The following UBE2K variants were observed in gnomAD, a reference collection of about 807,000 sequenced individuals.
UBE2K encodes ubiquitin-conjugating enzyme E2 K.
UBE2K carries 6 observed loss-of-function variants against 30.0 expected under a neutral mutation model. The observed-to-expected ratio is 0.20, with a 90% confidence interval of 0.11 to 0.39. The LOEUF (loss-of-function observed/expected upper bound fraction) is 0.39, where lower values mean the gene tolerates loss of function less well. Among genes scored for constraint, UBE2K ranks in the 10% least tolerant of loss-of-function variants. The probability of loss-of-function intolerance (pLI) is 1.00; values close to 1 mark genes in which losing one functional copy is unlikely to be tolerated. For missense variants in UBE2K, 61 were observed against 241.6 expected, an observed-to-expected ratio of 0.25 and a Z score of 4.96; for synonymous variants, 86 against 83.7, an observed-to-expected ratio of 1.03 and a Z score of -0.15.
At chr4:39,737,207 G>T (rs553950486) in intron 1 of UBE2K, among the ~76,000 whole-genome samples, 1 of 152,072 alleles carries the variant, frequency 6.6e-6, no homozygotes, top group South Asian at 2.1e-4. Flanking sequence ...TCATAGTGGT[G>T]TTATTTCGTT....
intron 4 of UBE2K, among the ~76,000 whole-genome samples, chr4:39,774,156 A>T (rs1346207235): frequency 2.0e-5 from 3 of 149,092 alleles, no homozygotes; most frequent in Non-Finnish European, 3.0e-5. Context: ...AACAAAAAAA[A>T]TGCTGGGTGT....
At chr4:39,759,840 A>G (rs1251191106) in intron 4 of UBE2K, among the ~76,000 whole-genome samples, 1 of 152,152 alleles carries the variant, frequency 6.6e-6, no homozygotes, top group African/African-American at 2.4e-5. Flanking sequence ...TAACTACTAC[A>G]TGCCTGTAAA....
intron 1 of UBE2K, among the ~76,000 whole-genome samples, chr4:39,715,682 GTTTAAT>G (rs1425930421): frequency 1.3e-5 from 2 of 152,022 alleles, no homozygotes; most frequent in East Asian, 3.8e-4. Context: ...TCTTACAGAA[GTTTAAT>G]TTTAAGGTAT....
intron 1 of UBE2K, among the ~76,000 whole-genome samples, chr4:39,712,165 C>T (rs1457986373): frequency 6.8e-6 from 1 of 147,674 alleles, no homozygotes; most frequent in Non-Finnish European, 1.5e-5. Flanking sequence ...CACTCTGTTG[C>T]CCAGGCTGGA....
intron 3 of UBE2K, among the ~76,000 whole-genome samples, chr4:39,748,296 ATAGCT>A (rs1308957959): frequency 6.6e-6 from 1 of 152,128 alleles, no homozygotes; most frequent in Non-Finnish European, 1.5e-5. Context: ...ATGCACAGTC[ATAGCT>A]TAGTGCAGCC....
intron 1 of UBE2K, among the ~76,000 whole-genome samples, chr4:39,736,258 C>G (rs1406936133): frequency 1.3e-5 from 2 of 152,022 alleles, no homozygotes; most frequent in African/African-American, 4.8e-5. Flanking sequence ...GTCAGGAGTT[C>G]GAGACAAGCC....
intron 5 of UBE2K, 109 bp from the exon 6 acceptor site, chr4:39,777,573 A>G: frequency 6.6e-6 from 7 of 1,064,004 alleles, no homozygotes; most frequent in African/African-American, 1.7e-5. Flanking sequence ...CACATTTTAA[A>G]TGTAGATTTG....
At chr4:39,770,864 C>T in intron 4 of UBE2K, 1 of 1,542,648 alleles carries the variant, frequency 6.5e-7, no homozygotes, top group Non-Finnish European at 8.7e-7. Flanking sequence ...CGGCTTTCAG[C>T]TCCAAGTCCT....
At chr4:39,747,221 A>G (rs1457929322) in intron 3 of UBE2K, among the ~76,000 whole-genome samples, 1 of 152,168 alleles carries the variant, frequency 6.6e-6, no homozygotes, top group Non-Finnish European at 1.5e-5. Flanking sequence ...AAAATTTACC[A>G]TTGTAATCAT....
intron 3 of UBE2K, among the ~76,000 whole-genome samples, chr4:39,746,401 C>T (rs1720991805): frequency 6.6e-6 from 1 of 152,132 alleles, no homozygotes; most frequent in Non-Finnish European, 1.5e-5. Context: ...TTCTTTATGT[C>T]TCTGCTTTTA....
chr4:39,728,808 GGTTTTTTTT>G (rs71645185), intron 1 of UBE2K, among the ~76,000 whole-genome samples: 6,831 of 144,160 alleles, frequency 0.047, 212 homozygotes, highest in Non-Finnish European at 0.075. Flanking sequence ...CCGGCTAGTA[GGTTTTTTTT>G]GTTTTTTTTG....
At chr4:39,743,583 G>A (rs1407004359) in intron 2 of UBE2K, among the ~76,000 whole-genome samples, 1 of 148,910 alleles carries the variant, frequency 6.7e-6, no homozygotes, top group African/African-American at 2.5e-5. Flanking sequence ...CAGCCTGGGC[G>A]ACAGAGCGAG....
chr4:39,771,428 A>G (rs1578506378), intron 4 of UBE2K: 23 of 1,599,002 alleles, frequency 1.4e-5, no homozygotes, highest in Non-Finnish European at 1.9e-5. Flanking sequence ...ACTTCACCCC[A>G]GAGGCCATTG....
intron 1 of UBE2K, among the ~76,000 whole-genome samples, chr4:39,702,447 T>G (rs1449330675): frequency 2.0e-5 from 3 of 151,448 alleles, no homozygotes; most frequent in Non-Finnish European, 4.4e-5. Flanking sequence ...AGAGGCGAGG[T>G]TTCTCCATGT....
At chr4:39,743,847 G>GTTCTC (rs1560362237) in intron 2 of UBE2K, among the ~76,000 whole-genome samples, 3 of 151,832 alleles carry the variant, frequency 2.0e-5, no homozygotes, top group African/African-American at 7.3e-5. Context: ...CCCCTTCAGT[G>GTTCTC]TTTTCTTTTC....
At chr4:39,778,198 A>G (rs1164308301) in intron 6 of UBE2K, among the ~76,000 whole-genome samples, 162 bp from the exon 7 acceptor site, 1 of 151,818 alleles carries the variant, frequency 6.6e-6, no homozygotes, top group Non-Finnish European at 1.5e-5. Context: ...TATTTTTACT[A>G]ATTACTGTCA....
chr4:39,706,033 A>G (rs993271154), intron 1 of UBE2K, among the ~76,000 whole-genome samples: 12 of 151,462 alleles, frequency 7.9e-5, no homozygotes, highest in Non-Finnish European at 2.9e-5. Flanking sequence ...CTTTTTTGAG[A>G]CGGAGTCTCG....
chr4:39,753,778 G>C (rs1375992561), intron 3 of UBE2K, among the ~76,000 whole-genome samples: 1 of 152,166 alleles, frequency 6.6e-6, no homozygotes, highest in South Asian at 2.1e-4. Context: ...TGGAGTGTGG[G>C]ATAGAGGTAA....
chr4:39,699,651 C>A (rs555897609), intron 1 of UBE2K, among the ~76,000 whole-genome samples: 1 of 152,232 alleles, frequency 6.6e-6, no homozygotes, highest in Admixed American at 6.5e-5. Flanking sequence ...TTGAATATAT[C>A]ATTGCTATTT....
Sources: gnomAD v4.1 joint callset for allele counts (sites outside exome capture counted in the v4.1 genomes callset) on GRCh38, gnomAD v4.1.1 for gene constraint, MANE v1.5 for transcripts, NCBI Gene and HGNC (gene_info 2026-07-23, HGNC 2026-07-21) for gene names.